Variants in VEPH1 observed in about 807,000 individuals in gnomAD.
The protein encoded by VEPH1 is ventricular zone expressed PH domain containing 1, also known as ventricular zone-expressed PH domain-containing protein homolog 1.
In VEPH1, 80 loss-of-function variants were observed where a neutral mutation model predicts 85.2. The ratio of observed to expected loss-of-function variants is 0.94; its 90% confidence interval spans 0.78 to 1.13. VEPH1 has a LOEUF of 1.13. Ranked by LOEUF, VEPH1 falls within the 50% of genes most tolerant of loss-of-function variation. The pLI, the probability that VEPH1 is intolerant of heterozygous loss-of-function variation, is 0.00. For synonymous variants in VEPH1, 297 were observed against 348.0 expected (o/e 0.85, Z 1.63); for missense variants, 955 against 980.5 (o/e 0.97, Z 0.35).
chr3:157,476,103 G>T (rs192771719), intron 2 of VEPH1, among the ~76,000 whole-genome samples: 68 of 152,336 alleles, frequency 4.5e-4, no homozygotes, highest in Admixed American at 2.3e-3. Context: ...GTGTGATCCA[G>T]TCAGCACATA....
intron 2 of VEPH1, among the ~76,000 whole-genome samples, chr3:157,478,192 A>C (rs1737672361): frequency 6.6e-6 from 1 of 152,156 alleles, no homozygotes; most frequent in African/African-American, 2.4e-5. Flanking sequence ...TGGAGATATG[A>C]AGGCCTGGTC....
At chr3:157,459,710 T>C in intron 4 of VEPH1, 1 of 1,411,526 alleles carries the variant, frequency 7.1e-7, no homozygotes, top group Non-Finnish European at 9.2e-7. Flanking sequence ...TGCTAGTATT[T>C]ATGCTTGTTA....
At chr3:157,382,190 A>G (rs1433815221) in intron 6 of VEPH1, among the ~76,000 whole-genome samples, 2 of 152,198 alleles carry the variant, frequency 1.3e-5, no homozygotes, top group Non-Finnish European at 2.9e-5. Flanking sequence ...TACAGTTTTT[A>G]TATGCTTGGC....
intron 6 of VEPH1, among the ~76,000 whole-genome samples, chr3:157,394,384 C>T (rs1414885967): frequency 6.6e-6 from 1 of 152,128 alleles, no homozygotes; most frequent in Non-Finnish European, 1.5e-5. Context: ...CTGTAGCTAA[C>T]CAGACATGGA....
At chr3:157,360,639 G>A (rs1559991697) in intron 9 of VEPH1, among the ~76,000 whole-genome samples, 1 of 152,046 alleles carries the variant, frequency 6.6e-6, no homozygotes. Context: ...GCCTAGCCTA[G>A]CCTACCTTAA....
At chr3:157,437,502 C>G in intron 4 of VEPH1, 1 of 1,599,326 alleles carries the variant, frequency 6.3e-7, no homozygotes, top group East Asian at 2.3e-5. Context: ...TGTGTGTATC[C>G]CGTACTCTAG....
At chr3:157,481,466 A>ACACACACACACACACACACAC (rs60332684) in intron 2 of VEPH1, among the ~76,000 whole-genome samples, 30 of 48,226 alleles carry the variant, frequency 6.2e-4, no homozygotes, top group African/African-American at 2.9e-3. Flanking sequence ...ACACACACAC[A>ACACACACACACACACACACAC]AAAAAAAAAA....
intron 12 of VEPH1, among the ~76,000 whole-genome samples, chr3:157,279,823 C>T (rs1715858587): frequency 6.6e-6 from 1 of 151,988 alleles, no homozygotes; most frequent in South Asian, 2.1e-4. Flanking sequence ...TGAGATCATC[C>T]TGGCCAACAT....
At chr3:157,428,834 C>T (rs960727088) in intron 4 of VEPH1, among the ~76,000 whole-genome samples, 6 of 151,978 alleles carry the variant, frequency 3.9e-5, no homozygotes, top group South Asian at 2.1e-4. Context: ...AAAATTTAAA[C>T]GATGTTTAAA....
At position 157,306,742 on chromosome 3, in the gene VEPH1, G is replaced by T. The variant is rs192408138; in HGVS notation, c.2010+6879C>A. On this transcript the variant is annotated intron_variant, in intron 11 of 13. Coordinates refer to ENST00000362010, the MANE Select transcript of VEPH1 (RefSeq NM_001167912.2). ...TTATAAAGAGCAGATTGCTCTTTAA[G>T]AAGTCTGAAAATGAAAATTTGTGGG... 3.9e-3 allele frequency among the ~76,000 whole-genome samples: 588 copies of T among 152,154 alleles called. 2 individuals carry two copies. Among genetic ancestry groups the T allele is most frequent in the Admixed American group, 7.3e-3 (111 of 15,290 alleles).
At chr3:157,495,536 C>T in intron 1 of VEPH1, 30 bp from the exon 2 acceptor site, 1 of 1,380,312 alleles carries the variant, frequency 7.2e-7, no homozygotes, top group East Asian at 2.5e-5. Context: ...CACAATGTAG[C>T]CACTGGCAGA....
intron 4 of VEPH1, among the ~76,000 whole-genome samples, chr3:157,448,753 A>G (rs934657844): frequency 3.9e-5 from 6 of 152,196 alleles, no homozygotes. Flanking sequence ...ATCACATTTT[A>G]CCCCTGATAT....
intron 3 of VEPH1, among the ~76,000 whole-genome samples, chr3:157,465,364 T>C (rs1472170587): frequency 2.0e-5 from 3 of 152,216 alleles, no homozygotes; most frequent in Non-Finnish European, 4.4e-5. Flanking sequence ...AGTGTTATTT[T>C]AGTCTCCTGC....
intron 11 of VEPH1, among the ~76,000 whole-genome samples, chr3:157,306,240 C>T (rs757133346): frequency 2.6e-5 from 4 of 152,176 alleles, no homozygotes; most frequent in Non-Finnish European, 5.9e-5. Context: ...TAACATTTTC[C>T]TCCTTCCTTT....
intron 2 of VEPH1, among the ~76,000 whole-genome samples, chr3:157,473,919 A>T (rs1737210254): frequency 6.6e-6 from 1 of 152,172 alleles, no homozygotes; most frequent in African/African-American, 2.4e-5. Flanking sequence ...CAATATGATA[A>T]ATTACAGAAA....
At chr3:157,365,082 AC>A (rs1726487408) in intron 7 of VEPH1, among the ~76,000 whole-genome samples, 1 of 152,210 alleles carries the variant, frequency 6.6e-6, no homozygotes. Flanking sequence ...GAGTTTATAA[AC>A]CACTTTGTGG....
intron 2 of VEPH1, among the ~76,000 whole-genome samples, chr3:157,473,843 G>T (rs1737205333): frequency 6.6e-6 from 1 of 151,986 alleles, no homozygotes; most frequent in Non-Finnish European, 1.5e-5. Flanking sequence ...AGAATAAATT[G>T]TGAATTTCAT....
intron 4 of VEPH1, among the ~76,000 whole-genome samples, chr3:157,451,821 T>C (rs1480357447): frequency 6.6e-6 from 1 of 152,180 alleles, no homozygotes; most frequent in Non-Finnish European, 1.5e-5. Flanking sequence ...ATAAAATTTA[T>C]GGGTGACAAG....
chr3:157,431,790 AATTTTC>A (rs1331513720), intron 4 of VEPH1, among the ~76,000 whole-genome samples: 3 of 150,894 alleles, frequency 2.0e-5, no homozygotes, highest in Non-Finnish European at 4.4e-5. Flanking sequence ...TTTTTGCTTT[AATTTTC>A]ATTTCCCAAT....
Sources: allele counts gnomAD v4.1 joint callset (sites outside exome capture counted in the v4.1 genomes callset), GRCh38; gene constraint gnomAD v4.1.1; transcripts MANE v1.5; gene names NCBI Gene and HGNC (gene_info 2026-07-23, HGNC 2026-07-21).